The following RAI14 variants were observed in gnomAD, a reference collection of about 807,000 sequenced individuals.
RAI14 encodes the protein retinoic acid induced 14, also known as ankycorbin.
A neutral mutation model predicts 115.4 loss-of-function variants in RAI14; 45 were observed. That is an observed-to-expected ratio of 0.39 (90% confidence interval 0.31 to 0.50). The LOEUF (loss-of-function observed/expected upper bound fraction) is 0.50, where lower values mean the gene tolerates loss of function less well. Ranked by LOEUF, RAI14 falls within the 20% of genes least tolerant of loss-of-function variation. The probability of loss-of-function intolerance (pLI) is 0.85; values close to 1 mark genes in which losing one functional copy is unlikely to be tolerated. For missense variants in RAI14, 939 were observed against 1,131.2 expected, an observed-to-expected ratio of 0.83 and a Z score of 2.44; for synonymous variants, 371 against 415.4, an observed-to-expected ratio of 0.89 and a Z score of 1.30.
chr5:34,730,184 A>G (rs189002956), intron 2 of RAI14, among the ~76,000 whole-genome samples: 24 of 152,310 alleles, frequency 1.6e-4, no homozygotes, highest in African/African-American at 5.8e-4. Flanking sequence ...GTTTTCACCT[A>G]TTGTTATCGT....
chr5:34,697,449 G>GAA (rs113110556), intron 2 of RAI14, among the ~76,000 whole-genome samples: 1 of 127,754 alleles, frequency 7.8e-6, no homozygotes, highest in African/African-American at 2.8e-5. Flanking sequence ...AAAAAAAAAA[G>GAA]AAAAAAAAAA....
At chr5:34,688,632 T>A (rs1389521806) in intron 2 of RAI14, among the ~76,000 whole-genome samples, 5 of 152,164 alleles carry the variant, frequency 3.3e-5, no homozygotes, top group African/African-American at 4.8e-5. Context: ...GAAGAAATGT[T>A]GAGAAGCAGA....
chr5:34,695,484 C>A (rs1433705551), intron 2 of RAI14, among the ~76,000 whole-genome samples: 1 of 151,826 alleles, frequency 6.6e-6, no homozygotes, highest in Non-Finnish European at 1.5e-5. Flanking sequence ...AGCCACTGCC[C>A]ACATGTGGCT....
chr5:34,690,270 A>G (rs1183454204), intron 2 of RAI14, among the ~76,000 whole-genome samples: 1 of 152,160 alleles, frequency 6.6e-6, no homozygotes, highest in Non-Finnish European at 1.5e-5. Context: ...ATTTTAAACC[A>G]TTGGGCATCA....
At chr5:34,782,123 C>T (rs964437677) in intron 3 of RAI14, among the ~76,000 whole-genome samples, 5 of 152,162 alleles carry the variant, frequency 3.3e-5, no homozygotes, top group Non-Finnish European at 7.3e-5. Flanking sequence ...GCCAGGTGTT[C>T]CTTGCCCTTA....
rs1425439406 is a variant in RAI14 at position 34,698,177 on chromosome 5, TC to T, written c.36+11226del. ...TCCCTTCCTCCCTCCCCTCCTCCCT[TC>T]CCCTCCTCCCTTCCCCTCCCTCTCT... On this transcript the variant is annotated intron_variant, in intron 2 of 17. Transcript: ENST00000265109. Among the ~76,000 whole-genome samples, 15 of 18,966 alleles carry T rather than the reference TC, an allele frequency of 7.9e-4. 1 individual carries two copies. The highest frequency in any genetic ancestry group is 6.3e-4 in the Non-Finnish European group (6 of 9,494). 12.4% of individuals were successfully genotyped at this position (18,966 alleles called of 152,430 possible). A position where few individuals can be genotyped will look rare whatever the true frequency, so the allele number is the denominator to read the frequency against.
chr5:34,707,589 G>T (rs140233321), intron 2 of RAI14, among the ~76,000 whole-genome samples: 1 of 152,304 alleles, frequency 6.6e-6, no homozygotes, highest in East Asian at 1.9e-4. Context: ...TTCTGTAAGA[G>T]AGTACAAAAG....
chr5:34,658,188 T>C (rs892587386), intron 1 of RAI14, among the ~76,000 whole-genome samples: 2 of 152,162 alleles, frequency 1.3e-5, no homozygotes, highest in Non-Finnish European at 2.9e-5. Flanking sequence ...CTGGAAAATC[T>C]TATTACTGTT....
At chr5:34,661,322 A>C (rs1295632414) in intron 1 of RAI14, among the ~76,000 whole-genome samples, 3 of 152,188 alleles carry the variant, frequency 2.0e-5, no homozygotes, top group African/African-American at 7.2e-5. Flanking sequence ...TGAGCTCTAC[A>C]AAGGCATGGG....
intron 2 of RAI14, among the ~76,000 whole-genome samples, chr5:34,733,713 C>T (rs1233936783): frequency 3.3e-5 from 5 of 152,172 alleles, no homozygotes; most frequent in Non-Finnish European, 7.3e-5. Context: ...AGGTTGGGGA[C>T]AGAGAGGAAG....
chr5:34,777,687 G>A (rs907999212), intron 3 of RAI14, among the ~76,000 whole-genome samples: 1 of 152,164 alleles, frequency 6.6e-6, no homozygotes, highest in African/African-American at 2.4e-5. Context: ...GCTGAGGCAG[G>A]AGAATCGCTT....
At chr5:34,686,840 A>G in intron 1 of RAI14, 32 bp from the exon 2 acceptor site, 1 of 1,419,874 alleles carries the variant, frequency 7.0e-7, no homozygotes, top group Non-Finnish European at 9.9e-7. Context: ...CTTATTTGGA[A>G]ACCTACATAT....
At chr5:34,782,235 T>A (rs1751741168) in intron 3 of RAI14, among the ~76,000 whole-genome samples, 3 of 152,206 alleles carry the variant, frequency 2.0e-5, no homozygotes, top group Admixed American at 6.5e-5. Flanking sequence ...GGCCAGTTTA[T>A]GGCCAGATTT....
chr5:34,682,384 GT>G (rs897205491), intron 1 of RAI14, among the ~76,000 whole-genome samples: 31 of 146,606 alleles, frequency 2.1e-4, no homozygotes, highest in Middle Eastern at 3.5e-3. Context: ...CATTGTAAGG[GT>G]TTTTTTTTTT....
intron 2 of RAI14, among the ~76,000 whole-genome samples, chr5:34,692,456 C>G (rs1235189392): frequency 1.1e-4 from 17 of 152,114 alleles, no homozygotes; most frequent in Non-Finnish European, 2.4e-4. Context: ...CTGGCGTGAA[C>G]CTGGGAAGCG....
chr5:34,682,144 C>T (rs1178512908), intron 1 of RAI14, among the ~76,000 whole-genome samples: 1 of 151,904 alleles, frequency 6.6e-6, no homozygotes, highest in African/African-American at 2.4e-5. Flanking sequence ...CATGAGCCAC[C>T]GTACCTGGCT....
intron 2 of RAI14, among the ~76,000 whole-genome samples, chr5:34,741,605 G>A (rs1745517190): frequency 6.6e-6 from 1 of 152,246 alleles, no homozygotes; most frequent in African/African-American, 2.4e-5. Context: ...CTGAGGCAGA[G>A]CATTTGTGTG....
intron 1 of RAI14, among the ~76,000 whole-genome samples, chr5:34,668,862 C>CT (rs910862155): frequency 1.5e-4 from 22 of 148,804 alleles, no homozygotes; most frequent in African/African-American, 3.7e-4. Context: ...TAATTAGGTT[C>CT]TTTTTTTTTT....
chr5:34,811,731 T>C (rs1442847884), intron 8 of RAI14, 36 bp from the exon 9 acceptor site: 3 of 1,556,014 alleles, frequency 1.9e-6, no homozygotes, highest in Non-Finnish European at 2.6e-6. Context: ...TTTTACATTC[T>C]CTTAGTACTA....
Sources: allele counts gnomAD v4.1 joint callset (sites outside exome capture counted in the v4.1 genomes callset), GRCh38; gene constraint gnomAD v4.1.1; transcripts MANE v1.5; gene names NCBI Gene and HGNC (gene_info 2026-07-23, HGNC 2026-07-21).